CLHC1: variants seen among roughly 807,000 people sequenced by gnomAD.
The protein encoded by CLHC1 is clathrin heavy chain linker domain-containing protein 1.
Under a neutral mutation model 69.5 loss-of-function variants are expected in CLHC1, and 72 were observed. That is an observed-to-expected ratio of 1.04 (90% CI 0.86 to 1.26). The LOEUF (loss-of-function observed/expected upper bound fraction) is 1.26, where lower values mean the gene tolerates loss of function less well. Ranked by LOEUF, CLHC1 falls within the 50% of genes most tolerant of loss-of-function variation. The pLI, the probability that CLHC1 is intolerant of heterozygous loss-of-function variation, is 0.00. For synonymous variants in CLHC1, 223 were observed against 224.3 expected, an observed-to-expected ratio of 0.99 and a Z score of 0.05; for missense variants, 790 against 679.3, an observed-to-expected ratio of 1.16 and a Z score of -1.81.
At chr2:55,223,240 A>C (rs1265623097) in intron 2 of CLHC1, among the ~76,000 whole-genome samples, 1 of 152,140 alleles carries the variant, frequency 6.6e-6, no homozygotes, top group South Asian at 2.1e-4. Context: ...TAAATAATGT[A>C]TTTATTTTTA....
intron 3 of CLHC1, 101 bp downstream of exon 3, chr2:55,222,134 A>C: frequency 1.3e-6 from 1 of 784,282 alleles, no homozygotes; most frequent in Non-Finnish European, 2.1e-6. Flanking sequence ...ATGGAATGTT[A>C]TCATTCAAAC....
intron 9 of CLHC1, among the ~76,000 whole-genome samples, chr2:55,200,826 G>C (rs1573673854): frequency 6.6e-6 from 1 of 152,096 alleles, no homozygotes; most frequent in African/African-American, 2.4e-5. Flanking sequence ...ATAATATCAA[G>C]CATCTTCTCT....
At chr2:55,222,526 T>A in intron 2 of CLHC1, 33 bp from the exon 3 acceptor site, 2 of 716,762 alleles carry the variant, frequency 2.8e-6, no homozygotes, top group Non-Finnish European at 2.2e-6. Flanking sequence ...ATTAATATAA[T>A]AATTTTTTAA....
intron 12 of CLHC1, among the ~76,000 whole-genome samples, chr2:55,176,935 C>T (rs1669444127): frequency 1.3e-5 from 2 of 152,164 alleles, no homozygotes; most frequent in South Asian, 4.1e-4. Flanking sequence ...TGCAGTGGCA[C>T]AGTCACGGCT....
chr2:55,179,738 G>T (rs190953244), intron 11 of CLHC1, among the ~76,000 whole-genome samples: 1 of 152,038 alleles, frequency 6.6e-6, no homozygotes, highest in Non-Finnish European at 1.5e-5. Flanking sequence ...GTCACCCTAA[G>T]GTCCACAGTT....
At chr2:55,176,436 C>A (rs1669397289) in intron 12 of CLHC1, among the ~76,000 whole-genome samples, 1 of 152,212 alleles carries the variant, frequency 6.6e-6, no homozygotes, top group Non-Finnish European at 1.5e-5. Context: ...CTTAGTGGAG[C>A]TAACCCAAGG....
rs778832515 is a variant in CLHC1 at position 55,206,294 on chromosome 2, T to C, written c.982A>G (p.Ile328Val). 59 of 1,604,232 alleles carry C rather than the reference T, an allele frequency of 3.7e-5. No individual in the cohort carries two copies. The highest frequency in any genetic ancestry group is 5.0e-5 in the Non-Finnish European group (58 of 1,171,576). The change falls in exon 9 of 13, where the codon ATT becomes GTT. Residue 328 changes from isoleucine (I) to valine (V), a missense_variant. Ile to Val is a conservative substitution (Grantham distance 29). Transcript: ENST00000401408. Reference sequence around the variant, plus strand: ...CCCTTAAATGTATTCATTGTACCAATGTTTCGAAGAATTCTTCTAGGACTG... The same window carrying C: ...CCCTTAAATGTATTCATTGTACCAACGTTTCGAAGAATTCTTCTAGGACTG... ...ANSPRRILRNIGTMNTFKAVG... is the reference protein window; with the variant it reads ...ANSPRRILRNVGTMNTFKAVG...
intron 3 of CLHC1, 69 bp from the exon 4 acceptor site, chr2:55,218,067 A>G: frequency 1.3e-6 from 1 of 757,490 alleles, no homozygotes; most frequent in Non-Finnish European, 2.0e-6. Flanking sequence ...AAATTCTTGC[A>G]AATAACATTA....
chr2:55,180,269 T>A (rs565572237), intron 11 of CLHC1, among the ~76,000 whole-genome samples: 1 of 152,194 alleles, frequency 6.6e-6, no homozygotes, highest in Non-Finnish European at 1.5e-5. Context: ...TCCAGGACTA[T>A]CTGGCTTATT....
chr2:55,175,839 AT>A lies in CLHC1; in HGVS notation c.1711del (p.Ile571PhefsTer10), dbSNP rs766802160. The part of the protein sequence containing the change: ...ILRSQAAVTE[I>X]SEEDDAVNLM... ...GTTGACTGCGTCATCCTCTTCAGAA[AT>A]TTCTGTAACTGCAGCCTGAGATCGA... On this transcript the variant is annotated frameshift_variant, in exon 13 of 13. Coordinates refer to ENST00000401408, the MANE Select transcript of CLHC1 (RefSeq NM_152385.4). LOFTEE classifies it high-confidence loss of function. The A allele has an allele frequency of 6.2e-7, 1 of 1,614,058 alleles. No homozygotes were observed.
At chr2:55,211,754 G>A (rs903501354) in intron 5 of CLHC1, among the ~76,000 whole-genome samples, 2 of 151,872 alleles carry the variant, frequency 1.3e-5, no homozygotes, top group Non-Finnish European at 2.9e-5. Context: ...TTTTTTCCAG[G>A]ATGAATATCT....
rs111887503 is a variant in CLHC1, at chr2:55,210,834, C to T, written c.500-1003G>A. Reference sequence around the variant, plus strand: ...ATTCATAACTCTCTCTCTTTCTCTTCAAATGCCTTTAAAAAATATGTAGAT... The same window carrying T: ...ATTCATAACTCTCTCTCTTTCTCTTTAAATGCCTTTAAAAAATATGTAGAT... On this transcript the variant is annotated intron_variant, in intron 5 of 12. Coordinates refer to ENST00000401408, the MANE Select transcript of CLHC1 (RefSeq NM_152385.4). Among the ~76,000 whole-genome samples the T allele has an allele frequency of 2.0e-3, 312 of 152,226 alleles. 2 individuals carry two copies. The highest frequency in any genetic ancestry group is 7.1e-3 in the African/African-American group (295 of 41,526).
In CLHC1 at chr2:55,217,960, A is replaced by C; in HGVS notation, c.216T>G (p.Thr72=). ...AGGCATCATATTCTTTTTTGATTGAAGTAAGAATGGATTTGTATGCAGTGA... is the reference window on the plus strand; with the variant it reads ...AGGCATCATATTCTTTTTTGATTGACGTAAGAATGGATTTGTATGCAGTGA... ...EHITAYKSIL[T]SIKKEYDAFI... The change falls in exon 4 of 13, where the codon ACT becomes ACG. Residue 72 remains threonine, a synonymous_variant. Coordinates refer to ENST00000401408, the MANE Select transcript of CLHC1 (RefSeq NM_152385.4). 2 of 1,583,124 alleles carry C rather than the reference A, an allele frequency of 1.3e-6. No individual in the cohort carries two copies. The highest frequency in any genetic ancestry group is 1.7e-6 in the Non-Finnish European group (2 of 1,164,930).
rs879324268 is a variant in CLHC1 at position 55,207,114 on chromosome 2, GA to G, written c.900-739del. 1.0e-3 allele frequency among the ~76,000 whole-genome samples: 142 copies of G among 141,798 alleles called. No homozygotes were observed. In the Middle Eastern group the frequency reaches 0.011, roughly 11 times the overall value. The allele number at this position is 141,798 out of a possible 152,430, so 93.0% of individuals were successfully genotyped here. On this transcript the variant is annotated intron_variant, in intron 8 of 12. Transcript: ENST00000401408. ...TGGGCGACAGAGTGAGACTCCGTCT[GA>G]AAAAAAAAAAAATGAAGCTGCCAAA...
intron 2 of CLHC1, among the ~76,000 whole-genome samples, chr2:55,223,359 T>C (rs1342097073): frequency 6.6e-6 from 1 of 152,150 alleles, no homozygotes; most frequent in Non-Finnish European, 1.5e-5. Context: ...TAACAGTATT[T>C]TTCAGAGTAT....
intron 9 of CLHC1, among the ~76,000 whole-genome samples, chr2:55,188,063 CAG>C (rs1670579873): frequency 6.6e-6 from 1 of 152,090 alleles, no homozygotes; most frequent in Admixed American, 6.5e-5. Context: ...CCTGTAATCC[CAG>C]CATTTTGGGA....
In CLHC1 at chr2:55,212,569, G is replaced by A. The variant is rs6724153; in HGVS notation, c.499+104C>T. The A allele has an allele frequency of 0.019, 17,196 of 890,930 alleles. 1,770 individuals are homozygous for A. In the African/African-American group the frequency reaches 0.24, roughly 12 times the overall value. The allele number at this position is 890,930 out of a possible 1,614,324, so 55.2% of individuals were successfully genotyped here. A position where few individuals can be genotyped will look rare whatever the true frequency, so the allele number is the denominator to read the frequency against. On this transcript the variant is annotated intron_variant, in intron 5 of 12. Coordinates refer to ENST00000401408, the MANE Select transcript of CLHC1 (RefSeq NM_152385.4). The stretch of plus-strand genomic sequence containing the variant: ...AATTATGTGTACAACACACACACAT[G>A]TGCAAGATGCACATACATCAGCACA...
At chr2:55,212,962 G>A (rs1673157380) in intron 4 of CLHC1, among the ~76,000 whole-genome samples, 156 bp from the exon 5 acceptor site, 1 of 152,128 alleles carries the variant, frequency 6.6e-6, no homozygotes, top group African/African-American at 2.4e-5. Context: ...AAATGAGGAA[G>A]AATTTTCTTT....
chr2:55,190,006 G>A (rs1670765591), intron 9 of CLHC1, among the ~76,000 whole-genome samples: 1 of 152,040 alleles, frequency 6.6e-6, no homozygotes, highest in African/African-American at 2.4e-5. Context: ...CCAGAACAAA[G>A]GTTAAGAAGA....
Sources: gnomAD v4.1 joint callset for allele counts (sites outside exome capture counted in the v4.1 genomes callset) on GRCh38, gnomAD v4.1.1 for gene constraint, MANE v1.5 for transcripts, NCBI Gene and HGNC (gene_info 2026-07-23, HGNC 2026-07-21) for gene names.